The following KCNMA1 variants were observed in gnomAD, a reference collection of about 807,000 sequenced individuals.
The protein encoded by KCNMA1 is Calcium-activated potassium channel subunit alpha-1.
In KCNMA1, 29 loss-of-function variants were observed where a neutral mutation model predicts 140.0. The observed-to-expected ratio is 0.21, with a 90% CI of 0.15 to 0.28. The LOEUF (loss-of-function observed/expected upper bound fraction) is 0.28. KCNMA1 is among the 10% of genes least tolerant of loss of function. The pLI is 1.00. For missense variants in KCNMA1, 880 were observed against 1,602.2 expected, an observed-to-expected ratio of 0.55 and a Z score of 7.70; for synonymous variants, 612 against 611.9, an observed-to-expected ratio of 1.00 and a Z score of 0.00.
intron 3 of KCNMA1, among the ~76,000 whole-genome samples, chr10:77,210,608 A>C (rs1212240223): frequency 2.6e-5 from 4 of 152,202 alleles, no homozygotes; most frequent in African/African-American, 9.6e-5. Context: ...CAAATAGGAA[A>C]AGAAGAAGTC....
intron 1 of KCNMA1, among the ~76,000 whole-genome samples, chr10:77,503,945 G>A (rs1436101479): frequency 6.6e-6 from 1 of 152,166 alleles, no homozygotes; most frequent in East Asian, 1.9e-4. Flanking sequence ...ACTGAGGGAG[G>A]GAACATGTGA....
chr10:77,472,725 C>T (rs1219457933), intron 1 of KCNMA1, among the ~76,000 whole-genome samples: 5 of 152,194 alleles, frequency 3.3e-5, no homozygotes, highest in Admixed American at 2.6e-4. Flanking sequence ...AATATCTGTG[C>T]GTGCAGAAGC....
At chr10:77,334,343 G>A (rs2087911946) in intron 2 of KCNMA1, among the ~76,000 whole-genome samples, 1 of 152,134 alleles carries the variant, frequency 6.6e-6, no homozygotes, top group African/African-American at 2.4e-5. Flanking sequence ...TTTGTTCTGT[G>A]TATCAAGGGT....
intron 5 of KCNMA1, among the ~76,000 whole-genome samples, chr10:77,144,319 A>C (rs1436783777): frequency 6.6e-6 from 1 of 152,218 alleles, no homozygotes; most frequent in African/African-American, 2.4e-5. Flanking sequence ...GCTAGTTAGA[A>C]AAGTGAATAC....
chr10:77,322,420 A>G (rs56389707), intron 2 of KCNMA1, among the ~76,000 whole-genome samples: 9,360 of 152,320 alleles, frequency 0.061, 396 homozygotes, highest in Non-Finnish European at 0.096. Flanking sequence ...TCACCAGAAA[A>G]GACAAGAGGA....
chr10:77,330,053 C>T (rs1466013981), intron 2 of KCNMA1, among the ~76,000 whole-genome samples: 1 of 152,144 alleles, frequency 6.6e-6, no homozygotes, highest in African/African-American at 2.4e-5. Context: ...TATTGGTTTG[C>T]ACAGGTGCCC....
chr10:77,451,253 C>T (rs1164345757), intron 1 of KCNMA1, among the ~76,000 whole-genome samples: 1 of 152,156 alleles, frequency 6.6e-6, no homozygotes, highest in Non-Finnish European at 1.5e-5. Flanking sequence ...CGGAATTAAA[C>T]AGGGGGAGAA....
intron 2 of KCNMA1, among the ~76,000 whole-genome samples, chr10:77,368,499 T>C (rs2094497639): frequency 6.6e-6 from 1 of 152,244 alleles, no homozygotes; most frequent in Non-Finnish European, 1.5e-5. Flanking sequence ...GCTTATCTTT[T>C]CATTCTCATA....
chr10:77,254,834 G>A (rs1441261621), intron 2 of KCNMA1, among the ~76,000 whole-genome samples: 1 of 152,158 alleles, frequency 6.6e-6, no homozygotes, highest in African/African-American at 2.4e-5. Context: ...CAAGGGACAT[G>A]GTAAAATGAG....
At chr10:77,201,536 G>A (rs1357475865) in intron 3 of KCNMA1, among the ~76,000 whole-genome samples, 1 of 152,180 alleles carries the variant, frequency 6.6e-6, no homozygotes, top group African/African-American at 2.4e-5. Flanking sequence ...TTGCTCAGCA[G>A]GAAGGCATGC....
At chr10:77,232,523 T>C (rs1042910105) in intron 3 of KCNMA1, among the ~76,000 whole-genome samples, 2 of 152,230 alleles carry the variant, frequency 1.3e-5, no homozygotes, top group African/African-American at 4.8e-5. Context: ...GTGTTGAACA[T>C]CTTTTCATGT....
intron 5 of KCNMA1, among the ~76,000 whole-genome samples, chr10:77,137,850 C>G (rs987533802): frequency 4.6e-5 from 7 of 152,130 alleles, no homozygotes; most frequent in South Asian, 2.1e-4. Flanking sequence ...GGCACGATCA[C>G]AGCTCACTAC....
chr10:77,546,673 CTT>C (rs1443054034), intron 1 of KCNMA1, among the ~76,000 whole-genome samples: 1 of 152,248 alleles, frequency 6.6e-6, no homozygotes, highest in East Asian at 1.9e-4. Context: ...CAGACCGACT[CTT>C]AGGAATGCCT....
chr10:77,384,744 C>T (rs2095542672), intron 2 of KCNMA1, among the ~76,000 whole-genome samples: 2 of 152,220 alleles, frequency 1.3e-5, no homozygotes, highest in Admixed American at 6.5e-5. Flanking sequence ...CAGGGATTTG[C>T]TACCTGCCCA....
chr10:77,592,439 G>A (rs2079491503), intron 1 of KCNMA1, among the ~76,000 whole-genome samples: 1 of 152,216 alleles, frequency 6.6e-6, no homozygotes, highest in Admixed American at 6.5e-5. Flanking sequence ...CATGAAACTT[G>A]TTCTTTTCTA....
intron 1 of KCNMA1, among the ~76,000 whole-genome samples, chr10:77,585,248 G>C (rs939872348): frequency 3.3e-5 from 5 of 152,258 alleles, no homozygotes; most frequent in Non-Finnish European, 7.4e-5. Flanking sequence ...AGACTGGCTG[G>C]GGTGAGTCTC....
chr10:76,941,085 G>GAGAA (rs1380778645), intron 23 of KCNMA1, among the ~76,000 whole-genome samples: 991 of 80,050 alleles, frequency 0.012, 28 homozygotes, highest in African/African-American at 0.037. Context: ...AAGAAAGAAA[G>GAGAA]AGAAAGAAAG....
intron 25 of KCNMA1, among the ~76,000 whole-genome samples, chr10:76,895,586 C>A (rs2042122805): frequency 6.6e-6 from 1 of 152,146 alleles, no homozygotes; most frequent in South Asian, 2.1e-4. Flanking sequence ...TATATCCGTG[C>A]AATGAGTATT....
At chr10:77,278,404 G>C (rs2067313992) in intron 2 of KCNMA1, among the ~76,000 whole-genome samples, 1 of 152,294 alleles carries the variant, frequency 6.6e-6, no homozygotes, top group East Asian at 1.9e-4. Context: ...TGGCTAGAAT[G>C]GCTGGGAAGA....
Sources: allele counts gnomAD v4.1 joint callset (sites outside exome capture counted in the v4.1 genomes callset), GRCh38; gene constraint gnomAD v4.1.1; transcripts MANE v1.5; gene names NCBI Gene and HGNC (gene_info 2026-07-23, HGNC 2026-07-21).